The following SLC25A17 variants were observed in gnomAD, a reference collection of about 807,000 sequenced individuals.
SLC25A17 encodes the protein peroxisomal membrane protein PMP34.
In SLC25A17, 26 loss-of-function variants were observed where a neutral mutation model predicts 38.5. The ratio of observed to expected loss-of-function variants is 0.68; its 90% CI spans 0.50 to 0.94. SLC25A17 has a LOEUF of 0.94. Among genes scored for constraint, SLC25A17 ranks in the 40% least tolerant of loss-of-function variants. SLC25A17 has a pLI of 0.00. For synonymous variants in SLC25A17, 139 were observed against 136.2 expected, an observed-to-expected ratio of 1.02 and a Z score of -0.14; for missense variants, 333 against 372.7, an observed-to-expected ratio of 0.89 and a Z score of 0.88.
In SLC25A17 at chr22:40,770,980, G is replaced by A; in HGVS notation, c.778C>T (p.Arg260Cys). 1 of 1,582,736 alleles carries A rather than the reference G, an allele frequency of 6.3e-7. No homozygotes were observed. Among genetic ancestry groups the A allele is most frequent in the Non-Finnish European group, 8.6e-7 (1 of 1,160,822 alleles). The change falls in exon 9 of 9, where the codon CGT becomes TGT. Residue 260 changes from arginine to cysteine, a missense_variant and splice_region_variant. Transcript: ENST00000435456. ...TTGTAGAGTCCCATTATTCCAAAAC[G>A]TCTAAAGGGAAAGAGGTTTGAAAAA... ...ILYLLHQRVR[R>C]FGIMGLYKGL...
intron 4 of SLC25A17, among the ~76,000 whole-genome samples, chr22:40,788,332 TTAAAC>T (rs1384682944): frequency 6.6e-6 from 1 of 152,206 alleles, no homozygotes; most frequent in African/African-American, 2.4e-5. Flanking sequence ...ATTGTACTGT[TTAAAC>T]TAATTCACAG....
intron 3 of SLC25A17, among the ~76,000 whole-genome samples, chr22:40,793,752 G>A (rs985521785): frequency 8.5e-5 from 13 of 152,070 alleles, no homozygotes; most frequent in African/African-American, 2.4e-4. Context: ...AGCTGGGATT[G>A]TAGGCATGCG....
intron 2 of SLC25A17, among the ~76,000 whole-genome samples, chr22:40,796,387 C>A (rs1486820440): frequency 6.6e-6 from 1 of 151,962 alleles, no homozygotes; most frequent in Non-Finnish European, 1.5e-5. Flanking sequence ...GCCTGTAATC[C>A]CAGCACTTTG....
At chr22:40,783,549 G>T (rs2057311888) in intron 4 of SLC25A17, among the ~76,000 whole-genome samples, 1 of 152,066 alleles carries the variant, frequency 6.6e-6, no homozygotes, top group African/African-American at 2.4e-5. Flanking sequence ...CTACTCCTGG[G>T]CTTAAGTGAT....
At chr22:40,807,625 T>C (rs1402136994) in intron 1 of SLC25A17, among the ~76,000 whole-genome samples, 1 of 152,020 alleles carries the variant, frequency 6.6e-6, no homozygotes, top group Non-Finnish European at 1.5e-5. Context: ...AGCGTACACC[T>C]GTAGTCCCAG....
chr22:40,811,115 G>C (rs1203759813), intron 1 of SLC25A17, among the ~76,000 whole-genome samples: 1 of 151,964 alleles, frequency 6.6e-6, no homozygotes, highest in African/African-American at 2.4e-5. Flanking sequence ...ATTTTTTGTA[G>C]AGACAGGGTT....
intron 1 of SLC25A17, among the ~76,000 whole-genome samples, chr22:40,809,474 A>AAG (rs2057559225): frequency 3.3e-5 from 5 of 151,644 alleles, no homozygotes; most frequent in Admixed American, 2.6e-4. Flanking sequence ...AAAAATTAAA[A>AAG]AAAAAAAAAT....
At chr22:40,803,519 A>G (rs530739828) in intron 1 of SLC25A17, among the ~76,000 whole-genome samples, 1 of 152,298 alleles carries the variant, frequency 6.6e-6, no homozygotes, top group African/African-American at 2.4e-5. Flanking sequence ...TAAAATTCCC[A>G]TTGGTATATT....
chr22:40,809,032 T>C (rs1371740174), intron 1 of SLC25A17, among the ~76,000 whole-genome samples: 3 of 152,124 alleles, frequency 2.0e-5, no homozygotes, highest in Non-Finnish European at 2.9e-5. Context: ...ATGCCATTCA[T>C]CTTATGACGT....
chr22:40,814,174 C>T (rs2057611167), intron 1 of SLC25A17, among the ~76,000 whole-genome samples: 1 of 152,190 alleles, frequency 6.6e-6, no homozygotes. Context: ...ACTATCAGTC[C>T]TTACCAGAAG....
chr22:40,815,947 G>A (rs140898087), intron 1 of SLC25A17, among the ~76,000 whole-genome samples: 4,501 of 152,300 alleles, frequency 0.03, 216 homozygotes, highest in African/African-American at 0.1. Context: ...AGCACTTTGG[G>A]AGGCCAAGGC....
intron 8 of SLC25A17, among the ~76,000 whole-genome samples, chr22:40,773,124 A>G (rs2057201757): frequency 6.6e-6 from 1 of 151,994 alleles, no homozygotes. Context: ...GTTAGGATTG[A>G]CAAGGCTGGG....
intron 3 of SLC25A17, among the ~76,000 whole-genome samples, chr22:40,793,522 A>G (rs939598612): frequency 2.0e-5 from 3 of 152,240 alleles, no homozygotes; most frequent in African/African-American, 7.2e-5. Flanking sequence ...GAAGGACACA[A>G]TATCACCTGT....
In SLC25A17 at chr22:40,770,751, A is replaced by G. The variant is rs1304912847; in HGVS notation, c.*83T>C. 17 of 1,403,614 alleles carry G rather than the reference A, an allele frequency of 1.2e-5. No individual in the cohort carries two copies. The highest frequency in any genetic ancestry group is 1.5e-5 in the Non-Finnish European group (16 of 1,039,566). 86.9% of individuals were successfully genotyped at this position (1,403,614 alleles called of 1,614,324 possible). A position where few individuals can be genotyped will look rare whatever the true frequency, so the allele number is the denominator to read the frequency against. On this transcript the variant is annotated 3_prime_UTR_variant, in exon 9 of 9. Transcript: ENST00000435456. ...GGTAACATTTGTGGTGGCAGGAGCC[A>G]GAGTCAAGGGAGAATCACTTCTCTT...
intron 4 of SLC25A17, among the ~76,000 whole-genome samples, chr22:40,788,272 T>C (rs947602817): frequency 6.6e-6 from 1 of 152,226 alleles, no homozygotes; most frequent in Non-Finnish European, 1.5e-5. Context: ...TTTTTAGTGC[T>C]ATGACATGAT....
chr22:40,796,615 CAAA>C (rs766239207), intron 2 of SLC25A17, among the ~76,000 whole-genome samples: 12 of 96,420 alleles, frequency 1.2e-4, no homozygotes, highest in Admixed American at 2.1e-4. Flanking sequence ...GACTCTGTCT[CAAA>C]AAAAAAAAAA....
chr22:40,771,040 C>T (rs968509905), intron 8 of SLC25A17, 59 bp from the exon 9 acceptor site: 2 of 1,381,778 alleles, frequency 1.4e-6, no homozygotes, highest in Admixed American at 2.2e-5. Context: ...GAACATGCTA[C>T]CTAGATAGCT....
intron 1 of SLC25A17, among the ~76,000 whole-genome samples, chr22:40,802,477 T>G (rs2057492235): frequency 6.6e-6 from 1 of 151,958 alleles, no homozygotes; most frequent in Non-Finnish European, 1.5e-5. Context: ...AAACTCCCCC[T>G]CTACTAAAAA....
At chr22:40,807,483 C>T (rs1282053059) in intron 1 of SLC25A17, among the ~76,000 whole-genome samples, 1 of 152,128 alleles carries the variant, frequency 6.6e-6, no homozygotes, top group African/African-American at 2.4e-5. Context: ...GGTGCGGTGG[C>T]TCATGCCTGT....
Sources: allele counts gnomAD v4.1 joint callset (sites outside exome capture counted in the v4.1 genomes callset), GRCh38; gene constraint gnomAD v4.1.1; transcripts MANE v1.5; gene names NCBI Gene and HGNC (gene_info 2026-07-23, HGNC 2026-07-21).